Variants in SGTB observed in about 807,000 individuals in gnomAD.
SGTB encodes the protein small glutamine rich tetratricopeptide repeat co-chaperone beta, also known as small glutamine-rich tetratricopeptide repeat-containing protein beta.
SGTB carries 19 observed loss-of-function variants against 43.9 expected under a neutral mutation model. That is an observed-to-expected ratio of 0.43 (90% CI 0.30 to 0.63). The LOEUF is 0.63. Ranked by LOEUF, SGTB falls within the 30% of genes least tolerant of loss-of-function variation. SGTB has a pLI of 0.12. For synonymous variants in SGTB, 116 were observed against 117.3 expected, an observed-to-expected ratio of 0.99 and a Z score of 0.07; for missense variants, 304 against 358.9, an observed-to-expected ratio of 0.85 and a Z score of 1.24.
chr5:65,696,225 C>T (rs891530612), intron 5 of SGTB, among the ~76,000 whole-genome samples: 6 of 152,190 alleles, frequency 3.9e-5, no homozygotes, highest in Admixed American at 2.6e-4. Context: ...TCCAGTTCTC[C>T]ATCACCTAAG....
Position 65,672,553 on chromosome 5 carries a change from A to T in SGTB, c.682-272T>A, listed in dbSNP as rs1339654654. Among the ~76,000 whole-genome samples the T allele has an allele frequency of 2.0e-5, 3 of 152,190 alleles. No homozygotes were observed. In the East Asian group the frequency reaches 5.8e-4, roughly 29 times the overall value. On this transcript the variant is annotated intron_variant, in intron 8 of 10. Coordinates refer to ENST00000381007, the MANE Select transcript of SGTB (RefSeq NM_019072.3). ...GTTTACTTACTACTGCTATCAGACC[A>T]ATTAAGCCAAAAGGAAAAATAGGAA...
chr5:65,715,915 G>A (rs2548790), intron 2 of SGTB, among the ~76,000 whole-genome samples: 37,164 of 152,142 alleles, frequency 0.24, 4,740 homozygotes, highest in Non-Finnish European at 0.27. Flanking sequence ...GATTACAGAC[G>A]TGTGCCACCA....
intron 5 of SGTB, among the ~76,000 whole-genome samples, chr5:65,692,922 G>A (rs1452286141): frequency 6.6e-6 from 1 of 152,008 alleles, no homozygotes; most frequent in East Asian, 1.9e-4. Context: ...AAGACAAAGA[G>A]AGGCCAGGTG....
upstream of SGTB, chr5:65,722,694 T>G (rs967767210): frequency 4.2e-6 from 2 of 480,608 alleles, no homozygotes; most frequent in Admixed American, 8.4e-5. Flanking sequence ...CGGCCCAAAA[T>G]GAATGCAAAT....
At chr5:65,714,332 A>G (rs1224353721) in intron 2 of SGTB, among the ~76,000 whole-genome samples, 1 of 152,184 alleles carries the variant, frequency 6.6e-6, no homozygotes, top group Non-Finnish European at 1.5e-5. Flanking sequence ...CCTAACAGAA[A>G]AAAATCACTG....
chr5:65,700,261 C>T (rs533933359), intron 5 of SGTB, among the ~76,000 whole-genome samples: 2 of 152,252 alleles, frequency 1.3e-5, no homozygotes, highest in African/African-American at 2.4e-5. Flanking sequence ...AGTGAAGGTA[C>T]AGGACTTAAA....
At chr5:65,679,070 G>A (rs1042753256) in intron 8 of SGTB, among the ~76,000 whole-genome samples, 7 of 152,060 alleles carry the variant, frequency 4.6e-5, no homozygotes, top group African/African-American at 1.7e-4. Context: ...CCTACAGAAT[G>A]GGAGAACATT....
In SGTB at chr5:65,720,797, A is replaced by G; in HGVS notation, c.11T>C (p.Ile4Thr). The G allele has an allele frequency of 1.2e-6, 2 of 1,613,246 alleles. No individual in the cohort carries two copies. Among genetic ancestry groups the G allele is most frequent in the Non-Finnish European group, 1.7e-6 (2 of 1,179,838 alleles). ...AATAACTGCATAAACCAGGTGCTTGATAGATGACATTTTAGAAGCTTAAAC... is the reference window on the plus strand; with the variant it reads ...AATAACTGCATAAACCAGGTGCTTGGTAGATGACATTTTAGAAGCTTAAAC... MSS[I>T]KHLVYAVIRF... Residue 4 changes from isoleucine to threonine, a missense_variant, in exon 2 of 11, where the codon ATC (isoleucine) becomes ACC (threonine). Ile to Thr is a moderately conservative substitution (Grantham distance 89, BLOSUM62 -1). Coordinates refer to ENST00000381007, the MANE Select transcript of SGTB (RefSeq NM_019072.3).
At chr5:65,673,335 C>T (rs1304283895) in intron 8 of SGTB, among the ~76,000 whole-genome samples, 2 of 152,188 alleles carry the variant, frequency 1.3e-5, no homozygotes, top group Non-Finnish European at 2.9e-5. Context: ...TGCTTTGTTT[C>T]CTATAGTAGC....
Position 65,703,015 on chromosome 5 carries a change from T to C in SGTB, c.374+1264A>G, listed in dbSNP as rs1276416014. On this transcript the variant is annotated intron_variant, in intron 5 of 10. Coordinates refer to ENST00000381007, the MANE Select transcript of SGTB (RefSeq NM_019072.3). ...AGATGGGACAGTTTTGTAATTTGCATCAACAATTTTAAAAATAATTTGCAC... is the reference window on the plus strand; with the variant it reads ...AGATGGGACAGTTTTGTAATTTGCACCAACAATTTTAAAAATAATTTGCAC... Among the ~76,000 whole-genome samples the C allele has an allele frequency of 2.6e-5, 4 of 152,212 alleles. No individual in the cohort carries two copies. The East Asian group carries it at 5.8e-4, about 22-fold the overall frequency.
chr5:65,706,962 T>G (rs1757944650), intron 4 of SGTB, among the ~76,000 whole-genome samples: 1 of 151,892 alleles, frequency 6.6e-6, no homozygotes, highest in African/African-American at 2.4e-5. Context: ...TACACAGCCA[T>G]TAAAAACAGT....
At chr5:65,714,475 G>C (rs1238153873) in intron 2 of SGTB, among the ~76,000 whole-genome samples, 4 of 152,172 alleles carry the variant, frequency 2.6e-5, no homozygotes, top group Non-Finnish European at 2.9e-5. Flanking sequence ...GGTATGGCTA[G>C]GGTATACAGT....
chr5:65,699,575 C>A (rs529362434), intron 5 of SGTB, among the ~76,000 whole-genome samples: 1 of 152,154 alleles, frequency 6.6e-6, no homozygotes, highest in Non-Finnish European at 1.5e-5. Flanking sequence ...GTTCAGAACC[C>A]CTGCTCTTAA....
At chr5:65,681,572 T>C (rs1295809679) in intron 6 of SGTB, among the ~76,000 whole-genome samples, 1 of 152,160 alleles carries the variant, frequency 6.6e-6, no homozygotes, top group Non-Finnish European at 1.5e-5. Context: ...CAGTCAACCA[T>C]GTATGATACT....
At chr5:65,710,082 G>A (rs1758016043) in intron 3 of SGTB, among the ~76,000 whole-genome samples, 1 of 151,992 alleles carries the variant, frequency 6.6e-6, no homozygotes, top group South Asian at 2.1e-4. Context: ...CTACTAATCA[G>A]TTTTCCCAAG....
At chr5:65,690,312 G>A (rs893696631) in intron 5 of SGTB, among the ~76,000 whole-genome samples, 4 of 152,190 alleles carry the variant, frequency 2.6e-5, no homozygotes, top group South Asian at 2.1e-4. Flanking sequence ...AGTGGTGTAC[G>A]CCTGTAGTTT....
chr5:65,703,535 C>T (rs893061072), intron 5 of SGTB, among the ~76,000 whole-genome samples: 2 of 151,812 alleles, frequency 1.3e-5, no homozygotes, highest in Non-Finnish European at 2.9e-5. Flanking sequence ...AACAGTGAAA[C>T]CCCATCTCCA....
At chr5:65,722,724 T>G, upstream of SGTB, 7 of 405,494 alleles carry the variant, frequency 1.7e-5, no homozygotes, top group South Asian at 2.1e-4. Flanking sequence ...AAGAAAATCA[T>G]TTCACGTTCA....
rs1757075879 is a variant in SGTB at position 65,667,981 on chromosome 5, C to G, written c.*2265G>C. The stretch of plus-strand genomic sequence containing the variant: ...TTTTTTTTTTTTTTTGAAATGGAGT[C>G]TTGCTCTGTCACCCAGGCTGGAGTG... On this transcript the variant is annotated 3_prime_UTR_variant, in exon 11 of 11. Coordinates refer to ENST00000381007, the MANE Select transcript of SGTB (RefSeq NM_019072.3). 7.1e-6 allele frequency: 1 copy of G among 140,098 alleles called. No individual in the cohort carries two copies. The highest frequency in any genetic ancestry group is 2.7e-5 in the African/African-American group (1 of 36,748). The allele number at this position is 140,098 out of a possible 1,614,324, so 8.7% of individuals were successfully genotyped here.
Sources: allele counts gnomAD v4.1 joint callset (sites outside exome capture counted in the v4.1 genomes callset), GRCh38; gene constraint gnomAD v4.1.1; transcripts MANE v1.5; gene names NCBI Gene and HGNC (gene_info 2026-07-23, HGNC 2026-07-21).